LARGE1: variants seen among roughly 807,000 people sequenced by gnomAD.
LARGE1 encodes LARGE xylosyl- and glucuronyltransferase 1.
Under a neutral mutation model 87.6 loss-of-function variants are expected in LARGE1, and 43 were observed. The observed-to-expected ratio is 0.49, with a 90% CI of 0.38 to 0.63. The LOEUF (loss-of-function observed/expected upper bound fraction) is 0.63. Ranked by LOEUF, LARGE1 falls within the 30% of genes least tolerant of loss-of-function variation. The pLI, the probability that LARGE1 is intolerant of heterozygous loss-of-function variation, is 0.00. For synonymous variants in LARGE1, 434 were observed against 394.6 expected (o/e 1.10, Z -1.18); for missense variants, 802 against 1,000.2 (o/e 0.80, Z 2.67).
At chr22:33,649,353 TTC>T (rs1336948377) in intron 3 of LARGE1, among the ~76,000 whole-genome samples, 1 of 152,218 alleles carries the variant, frequency 6.6e-6, no homozygotes, top group East Asian at 1.9e-4. Context: ...TTGCAAAGCA[TTC>T]TCTTTAGGGA....
At chr22:33,096,142 G>A in the LARGE1 span, among the ~76,000 whole-genome samples, 1 of 152,130 alleles carries the variant, frequency 6.6e-6, no homozygotes, top group Non-Finnish European at 1.5e-5. Context: ...CAGGCCAGGC[G>A]CGGTGGCTCA....
intron 4 of LARGE1, among the ~76,000 whole-genome samples, chr22:33,609,831 T>C (rs550747520): frequency 6.6e-6 from 1 of 152,256 alleles, no homozygotes; most frequent in Admixed American, 6.5e-5. Flanking sequence ...TCTCAAGATC[T>C]GGTTGTTTAA....
At chr22:33,216,608 AAAAAGAAAAG>A (rs1186352063) in intron 11 of LARGE1, among the ~76,000 whole-genome samples, 1 of 150,202 alleles carries the variant, frequency 6.7e-6, no homozygotes, top group East Asian at 1.9e-4. Context: ...AAAAAAAAAA[AAAAAGAAAAG>A]AAAAGAAAAT....
At chr22:33,403,864 T>C (rs916216977) in intron 7 of LARGE1, among the ~76,000 whole-genome samples, 5 of 152,278 alleles carry the variant, frequency 3.3e-5, no homozygotes, top group Admixed American at 6.5e-5. Context: ...TCCCAAAGCG[T>C]TGGGATTACA....
At position 33,687,419 on chromosome 22, in the gene LARGE1, C is replaced by G. The variant is rs1477722119; in HGVS notation, c.107-36751G>C. ...TTTTTAAATAATATTCATTACCAGCCGATAGAACTTGGTTCTTATCCATTT... is the reference window on the plus strand; with the variant it reads ...TTTTTAAATAATATTCATTACCAGCGGATAGAACTTGGTTCTTATCCATTT... On this transcript the variant is annotated intron_variant, in intron 2 of 14. Transcript: ENST00000397394. Among the ~76,000 whole-genome samples the G allele has an allele frequency of 2.6e-5, 4 of 151,596 alleles. 1 individual carries two copies. In the South Asian group the frequency reaches 8.3e-4, roughly 32 times the overall value.
chr22:33,334,494 T>C (rs1254776308), intron 10 of LARGE1, among the ~76,000 whole-genome samples: 1 of 149,626 alleles, frequency 6.7e-6, no homozygotes, highest in African/African-American at 2.5e-5. Context: ...TTACTTTGTG[T>C]GGGGGTAGGG....
At chr22:33,408,880 G>A (rs550953791) in intron 7 of LARGE1, among the ~76,000 whole-genome samples, 58 of 152,168 alleles carry the variant, frequency 3.8e-4, no homozygotes, top group African/African-American at 1.2e-3. Flanking sequence ...ATATTCGCCC[G>A]GCCACTCCAA....
intron 2 of LARGE1, among the ~76,000 whole-genome samples, chr22:33,707,919 A>G (rs1214521688): frequency 6.6e-6 from 1 of 152,138 alleles, no homozygotes; most frequent in Admixed American, 6.6e-5. Context: ...TTAGCTCTGG[A>G]AGTGTCTGCA....
chr22:33,751,955 T>C (rs112311805), intron 2 of LARGE1, among the ~76,000 whole-genome samples: 6,899 of 152,172 alleles, frequency 0.045, 439 homozygotes, highest in African/African-American at 0.15. Flanking sequence ...AGCTATTTTG[T>C]ATTTTTAGTA....
intron 5 of LARGE1, among the ~76,000 whole-genome samples, chr22:33,591,628 T>C (rs565193679): frequency 1.3e-5 from 2 of 152,234 alleles, no homozygotes; most frequent in South Asian, 4.1e-4. Context: ...TATTAATGTC[T>C]TTGCAAGAAC....
intron 6 of LARGE1, among the ~76,000 whole-genome samples, chr22:33,547,352 G>C (rs1052722598): frequency 1.7e-5 from 2 of 119,258 alleles, no homozygotes; most frequent in African/African-American, 2.8e-5. Context: ...TTCACAACAG[G>C]GTTTGCGCTA....
chr22:33,829,795 G>A (rs1417173281), intron 1 of LARGE1, among the ~76,000 whole-genome samples: 1 of 152,092 alleles, frequency 6.6e-6, no homozygotes, highest in African/African-American at 2.4e-5. Flanking sequence ...TCAAGATAAT[G>A]AAGATTAAAA....
At chr22:33,820,216 A>G (rs997600915) in intron 1 of LARGE1, among the ~76,000 whole-genome samples, 1 of 151,286 alleles carries the variant, frequency 6.6e-6, no homozygotes, top group Admixed American at 6.6e-5. Context: ...AATTTGCAAA[A>G]CCCCCCATAT....
intron 1 of LARGE1, among the ~76,000 whole-genome samples, chr22:33,913,895 A>G (rs1273538159): frequency 6.6e-6 from 1 of 152,204 alleles, no homozygotes; most frequent in South Asian, 2.1e-4. Flanking sequence ...AAAAGGGTCT[A>G]TCATGATTGT....
chr22:33,707,451 G>C (rs1232369711), intron 2 of LARGE1, among the ~76,000 whole-genome samples: 1 of 152,232 alleles, frequency 6.6e-6, no homozygotes, highest in African/African-American at 2.4e-5. Context: ...GTGGTTATTA[G>C]GTTCCTAAAA....
At chr22:33,201,431 A>G (rs887983069) in intron 11 of LARGE1, among the ~76,000 whole-genome samples, 4 of 96,670 alleles carry the variant, frequency 4.1e-5, no homozygotes, top group Non-Finnish European at 9.6e-5. Context: ...AAGGAAGGAA[A>G]GAAGGAAGGA....
intron 11 of LARGE1, among the ~76,000 whole-genome samples, chr22:33,190,304 G>A (rs1923708778): frequency 1.3e-5 from 2 of 152,130 alleles, no homozygotes; most frequent in Admixed American, 1.3e-4. Flanking sequence ...AAAGAACAGA[G>A]TTTGAATATT....
At chr22:33,456,550 G>A (rs2068138784) in intron 6 of LARGE1, among the ~76,000 whole-genome samples, 1 of 152,146 alleles carries the variant, frequency 6.6e-6, no homozygotes. Context: ...CTTTGTGCTT[G>A]ATCTTTTCCA....
intron 6 of LARGE1, among the ~76,000 whole-genome samples, chr22:33,445,665 T>C (rs377257785): frequency 6.8e-6 from 1 of 146,750 alleles, no homozygotes; most frequent in East Asian, 2.0e-4. Flanking sequence ...TTTTTTTTTT[T>C]GAGACAAGAG....
Sources: gnomAD v4.1 joint callset for allele counts (sites outside exome capture counted in the v4.1 genomes callset) on GRCh38, gnomAD v4.1.1 for gene constraint, MANE v1.5 for transcripts, NCBI Gene and HGNC (gene_info 2026-07-23, HGNC 2026-07-21) for gene names.